Variants in GREB1L observed in about 807,000 individuals in gnomAD.
GREB1L encodes GREB1-like protein.
A neutral mutation model predicts 200.8 loss-of-function variants in GREB1L; 17 were observed. The observed-to-expected ratio is 0.08, with a 90% CI of 0.06 to 0.13. The LOEUF (loss-of-function observed/expected upper bound fraction) is 0.13, where lower values mean the gene tolerates loss of function less well. GREB1L is among the 10% of genes least tolerant of loss of function. The pLI, the probability that GREB1L is intolerant of heterozygous loss-of-function variation, is 1.00. For synonymous variants in GREB1L, 789 were observed against 893.0 expected, an observed-to-expected ratio of 0.88 and a Z score of 2.08; for missense variants, 1,657 against 2,367.7, an observed-to-expected ratio of 0.70 and a Z score of 6.23.
At chr18:21,317,284 T>A (rs1403536853) in intron 1 of GREB1L, among the ~76,000 whole-genome samples, 1 of 151,618 alleles carries the variant, frequency 6.6e-6, no homozygotes, top group African/African-American at 2.4e-5. Flanking sequence ...TTAAAAAAAA[T>A]TGCAAACTCA....
At chr18:21,257,057 A>C (rs1384856993) in intron 1 of GREB1L, among the ~76,000 whole-genome samples, 1 of 151,144 alleles carries the variant, frequency 6.6e-6, no homozygotes, top group Non-Finnish European at 1.5e-5. Flanking sequence ...ATTTTTCCTC[A>C]TTAGACTTGT....
chr18:21,283,905 A>T (rs2038312217), intron 1 of GREB1L, among the ~76,000 whole-genome samples: 1 of 152,252 alleles, frequency 6.6e-6, no homozygotes, highest in South Asian at 2.1e-4. Context: ...TCTGTGCTAT[A>T]GCCAGGGCAT....
rs550496435 is a variant in GREB1L at position 21,278,380 on chromosome 18, CAA to C, written c.-120+35998_-120+35999del. On this transcript the variant is annotated intron_variant, in intron 1 of 32. Transcript: ENST00000424526. ...GGGCAACAAGAGCAAGACTCCATCTCAAAAAAAAAAAATAAATAAATAAATAA... is the reference window on the plus strand; with the variant it reads ...GGGCAACAAGAGCAAGACTCCATCTCAAAAAAAAAATAAATAAATAAATAA... 4.7e-3 allele frequency among the ~76,000 whole-genome samples: 498 copies of C among 106,332 alleles called. 3 individuals carry two copies. The highest frequency in any genetic ancestry group is 0.015 in the African/African-American group (479 of 31,558). 69.8% of individuals were successfully genotyped at this position (106,332 alleles called of 152,430 possible). A position where few individuals can be genotyped will look rare whatever the true frequency, so the allele number is the denominator to read the frequency against.
intron 1 of GREB1L, among the ~76,000 whole-genome samples, chr18:21,284,591 C>T (rs1035708627): frequency 6.6e-6 from 1 of 152,168 alleles, no homozygotes; most frequent in African/African-American, 2.4e-5. Flanking sequence ...TGGGCTGTTT[C>T]CACTTTTTTG....
chr18:21,497,931 C>T (rs1334275787), intron 21 of GREB1L, among the ~76,000 whole-genome samples: 1 of 149,222 alleles, frequency 6.7e-6, no homozygotes, highest in African/African-American at 2.5e-5. Context: ...AAGCGATTCT[C>T]CTGCCTCAGC....
At chr18:21,349,719 C>T (rs2039405570) in intron 1 of GREB1L, among the ~76,000 whole-genome samples, 1 of 152,054 alleles carries the variant, frequency 6.6e-6, no homozygotes, top group Non-Finnish European at 1.5e-5. Flanking sequence ...CTGTCACTGT[C>T]TTCCATCACC....
At chr18:21,284,239 A>G (rs1286702951) in intron 1 of GREB1L, among the ~76,000 whole-genome samples, 1 of 152,236 alleles carries the variant, frequency 6.6e-6, no homozygotes, top group Non-Finnish European at 1.5e-5. Context: ...GGTTTTTAGT[A>G]TAATTACAGA....
At chr18:21,351,852 A>T (rs2039437688) in intron 1 of GREB1L, among the ~76,000 whole-genome samples, 2 of 150,660 alleles carry the variant, frequency 1.3e-5, no homozygotes, top group African/African-American at 4.9e-5. Flanking sequence ...TATTTTATTT[A>T]TTTATTTTTT....
At chr18:21,346,070 G>A (rs767283147) in intron 1 of GREB1L, among the ~76,000 whole-genome samples, 2 of 152,020 alleles carry the variant, frequency 1.3e-5, no homozygotes, top group African/African-American at 2.4e-5. Context: ...GAGAAAATGA[G>A]GTAGCGGCAT....
chr18:21,508,501 G>A lies in GREB1L; in HGVS notation c.4645G>A (p.Val1549Ile), dbSNP rs1032246845. Residue 1549 changes from valine to isoleucine, a missense_variant, in exon 27 of 33, where the codon GTC (valine) becomes ATC (isoleucine). This residue lies in a region of GREB1L where 151 missense variants were observed against 309.6 expected (regional missense o/e 0.49). Coordinates refer to ENST00000424526, the MANE Select transcript of GREB1L (RefSeq NM_001142966.3). ...CATCAGCCACCTTCACCTCCTGGTGGTCAAAGAGTATGAGATGCCTCTGTA... is the reference window on the plus strand; with the variant it reads ...CATCAGCCACCTTCACCTCCTGGTGATCAAAGAGTATGAGATGCCTCTGTA... ...EGISHLHLLV[V>I]KEYEMPLYRK... 5 of 1,551,588 alleles carry A rather than the reference G, an allele frequency of 3.2e-6. No individual in the cohort carries two copies. In the African/African-American group the frequency reaches 5.5e-5, roughly 17 times the overall value.
chr18:21,488,082 A>G (rs2036195836), intron 18 of GREB1L, among the ~76,000 whole-genome samples: 1 of 151,986 alleles, frequency 6.6e-6, no homozygotes, highest in South Asian at 2.1e-4. Context: ...AGGTGGGCGG[A>G]TCACCTGAGG....
At chr18:21,407,536 T>C (rs1050203193) in intron 7 of GREB1L, among the ~76,000 whole-genome samples, 57 of 152,188 alleles carry the variant, frequency 3.7e-4, no homozygotes, top group Non-Finnish European at 1.0e-4. Context: ...CAGACCGTTT[T>C]CTCATCAGTG....
At chr18:21,391,797 G>GGTTT (rs1258222311) in intron 4 of GREB1L, among the ~76,000 whole-genome samples, 6 of 152,092 alleles carry the variant, frequency 3.9e-5, no homozygotes, top group African/African-American at 1.2e-4. Context: ...ATTTTAGATT[G>GGTTT]GTTTGTTTGT....
chr18:21,503,211 T>TA (rs1225149930), intron 23 of GREB1L, among the ~76,000 whole-genome samples: 12 of 151,614 alleles, frequency 7.9e-5, no homozygotes, highest in Non-Finnish European at 1.5e-4. Context: ...TTATTAATAA[T>TA]AAAAAAATAT....
chr18:21,434,519 G>A (rs2033396757), intron 7 of GREB1L, among the ~76,000 whole-genome samples: 1 of 147,830 alleles, frequency 6.8e-6, no homozygotes, highest in Non-Finnish European at 1.5e-5. Context: ...GTGTGTGTGT[G>A]TGTGTGTGTG....
chr18:21,479,782 C>T (rs912992120), intron 17 of GREB1L, among the ~76,000 whole-genome samples: 1 of 152,062 alleles, frequency 6.6e-6, no homozygotes, highest in Admixed American at 6.6e-5. Flanking sequence ...GGTCTGACGC[C>T]CATGCTGGAG....
intron 2 of GREB1L, 78 bp downstream of exon 2, chr18:21,366,214 A>G (rs2039675089): frequency 6.6e-6 from 1 of 152,176 alleles, no homozygotes; most frequent in Non-Finnish European, 1.5e-5. Flanking sequence ...TAGAATTCAA[A>G]TAAAACTACT....
intron 1 of GREB1L, among the ~76,000 whole-genome samples, chr18:21,332,478 A>T (rs555895974): frequency 0.013 from 1,963 of 150,298 alleles, 22 homozygotes; most frequent in Non-Finnish European, 0.018. Flanking sequence ...AAAAAAAAAA[A>T]TTTTTTTTTC....
chr18:21,244,460 C>G (rs1322609149), intron 1 of GREB1L, among the ~76,000 whole-genome samples: 1 of 152,154 alleles, frequency 6.6e-6, no homozygotes, highest in Non-Finnish European at 1.5e-5. Context: ...TTGCCACAAA[C>G]CCGCCACACG....
Sources: gnomAD v4.1 joint callset for allele counts (sites outside exome capture counted in the v4.1 genomes callset) on GRCh38, gnomAD v4.1.1 for gene constraint, gnomAD v4.1.1 regional missense constraint, MANE v1.5 for transcripts, NCBI Gene and HGNC (gene_info 2026-07-23, HGNC 2026-07-21) for gene names.